Variants in WWOX observed in about 807,000 individuals in gnomAD.
WWOX encodes the protein WW domain-containing oxidoreductase.
A neutral mutation model predicts 46.2 loss-of-function variants in WWOX; 69 were observed. The observed-to-expected ratio is 1.49, with a 90% CI of 1.23 to 1.82. The LOEUF (loss-of-function observed/expected upper bound fraction) is 1.82, where lower values mean the gene tolerates loss of function less well. Ranked by LOEUF, WWOX falls within the 40% of genes most tolerant of loss-of-function variation. WWOX has a pLI of 0.00. For synonymous variants in WWOX, 359 were observed against 202.6 expected, an observed-to-expected ratio of 1.77 and a Z score of -6.56; for missense variants, 919 against 542.6, an observed-to-expected ratio of 1.69 and a Z score of -6.89.
In WWOX at chr16:79,079,348, G is replaced by C. The variant is rs8055998; in HGVS notation, c.1057-132260G>C. Among the ~76,000 whole-genome samples the C allele has an allele frequency of 3.8e-3, 577 of 151,384 alleles. 6 individuals carry two copies. Among genetic ancestry groups the C allele is most frequent in the African/African-American group, 0.013 (519 of 41,278 alleles). ...TCTCTTTTTTTCTTGGGTTCCCCCCGACAAAAAAAAATATGACAGAAGTGT... is the reference window on the plus strand; with the variant it reads ...TCTCTTTTTTTCTTGGGTTCCCCCCCACAAAAAAAAATATGACAGAAGTGT... On this transcript the variant is annotated intron_variant, in intron 8 of 8. Coordinates refer to ENST00000566780, the MANE Select transcript of WWOX (RefSeq NM_016373.4).
chr16:78,799,209 A>G (rs2050821407), intron 8 of WWOX, among the ~76,000 whole-genome samples: 1 of 152,224 alleles, frequency 6.6e-6, no homozygotes, highest in Admixed American at 6.5e-5. Context: ...AAACAGGGAC[A>G]CGGTGCAGAA....
chr16:78,425,865 C>G (rs956599451), intron 7 of WWOX, among the ~76,000 whole-genome samples: 1 of 152,062 alleles, frequency 6.6e-6, no homozygotes, highest in Admixed American at 6.6e-5. Context: ...TGCAAGGGGC[C>G]TATTTTTTCC....
chr16:78,789,685 T>G (rs1473963809), intron 8 of WWOX, among the ~76,000 whole-genome samples: 2 of 152,230 alleles, frequency 1.3e-5, no homozygotes, highest in Non-Finnish European at 2.9e-5. Flanking sequence ...ATTTTAATCA[T>G]GGCAGTGTTC....
intron 8 of WWOX, among the ~76,000 whole-genome samples, chr16:79,108,909 TA>T (rs989072501): frequency 0.012 from 1,777 of 148,336 alleles, 37 homozygotes; most frequent in African/African-American, 0.041. Context: ...TCAAAAAATT[TA>T]AAAAAAAAAG....
rs141165606 is a variant in WWOX, at chr16:79,071,968, G to A, written c.1057-139640G>A. Among the ~76,000 whole-genome samples, 51 of 152,232 alleles carry A rather than the reference G, an allele frequency of 3.4e-4. No individual in the cohort carries two copies. In the East Asian group the frequency reaches 5.4e-3, roughly 16 times the overall value. ...TGTTCATTCATTCATTCGTTTACTCGTTCTTTTTTGTATTAGCTTAAAAAT... is the reference window on the plus strand; with the variant it reads ...TGTTCATTCATTCATTCGTTTACTCATTCTTTTTTGTATTAGCTTAAAAAT... On this transcript the variant is annotated intron_variant, in intron 8 of 8. Coordinates refer to ENST00000566780, the MANE Select transcript of WWOX (RefSeq NM_016373.4).
rs114079220 is a variant in WWOX at position 78,359,338 on chromosome 16, C to A, written c.517-27522C>A. ...GCATTTTACATAAAAACCTCTAAAGCTCTCAGGCTAATTAGTAATGTAGCA... is the reference window on the plus strand; with the variant it reads ...GCATTTTACATAAAAACCTCTAAAGATCTCAGGCTAATTAGTAATGTAGCA... On this transcript the variant is annotated intron_variant, in intron 5 of 8. Coordinates refer to ENST00000566780, the MANE Select transcript of WWOX (RefSeq NM_016373.4). 2.6e-3 allele frequency among the ~76,000 whole-genome samples: 398 copies of A among 152,228 alleles called. 2 individuals are homozygous for A. The highest frequency in any genetic ancestry group is 9.3e-3 in the African/African-American group (386 of 41,544).
chr16:78,876,999 G>C (rs546053313), intron 8 of WWOX, among the ~76,000 whole-genome samples: 4 of 152,056 alleles, frequency 2.6e-5, no homozygotes, highest in Admixed American at 2.6e-4. Context: ...AAGTTAACTG[G>C]TTCCTATTTC....
chr16:78,733,647 C>T (rs1238939208), intron 8 of WWOX, among the ~76,000 whole-genome samples: 20 of 151,292 alleles, frequency 1.3e-4, no homozygotes, highest in Admixed American at 1.3e-3. Flanking sequence ...TCCAGCTACT[C>T]GGTAGCCTGA....
At chr16:78,526,760 C>T (rs1248555481) in intron 8 of WWOX, among the ~76,000 whole-genome samples, 1 of 152,156 alleles carries the variant, frequency 6.6e-6, no homozygotes, top group African/African-American at 2.4e-5. Context: ...GAGTTGAGGG[C>T]AACAGGGGCA....
chr16:78,460,047 T>G (rs1028339537), intron 8 of WWOX, among the ~76,000 whole-genome samples: 1 of 151,918 alleles, frequency 6.6e-6, no homozygotes, highest in African/African-American at 2.4e-5. Flanking sequence ...GCTCAAGCAA[T>G]CCGCCCACCT....
intron 5 of WWOX, among the ~76,000 whole-genome samples, chr16:78,261,772 G>GA (rs2079239760): frequency 7.7e-6 from 1 of 129,992 alleles, no homozygotes; most frequent in African/African-American, 2.9e-5. Flanking sequence ...ATCTATCTAT[G>GA]TATCTATCTA....
chr16:79,065,688 T>G (rs2048428653), intron 8 of WWOX, among the ~76,000 whole-genome samples: 1 of 152,194 alleles, frequency 6.6e-6, no homozygotes, highest in African/African-American at 2.4e-5. Flanking sequence ...CTTGTGGCCT[T>G]TTAGGAGCTT....
chr16:78,799,525 A>G (rs145501432), intron 8 of WWOX, among the ~76,000 whole-genome samples: 237 of 152,292 alleles, frequency 1.6e-3, no homozygotes, highest in African/African-American at 5.6e-3. Context: ...ATGTCATTTT[A>G]GACCCCAAAA....
intron 8 of WWOX, among the ~76,000 whole-genome samples, chr16:78,569,242 T>C (rs2044653509): frequency 6.6e-6 from 1 of 152,244 alleles, no homozygotes; most frequent in African/African-American, 2.4e-5. Flanking sequence ...AAGTGCTTCC[T>C]TGTCTCTCTA....
intron 5 of WWOX, among the ~76,000 whole-genome samples, chr16:78,243,656 T>C (rs1597394314): frequency 1.3e-5 from 2 of 152,136 alleles, no homozygotes; most frequent in Non-Finnish European, 2.9e-5. Flanking sequence ...AAGCGATTCT[T>C]GTGCCTCAGC....
intron 8 of WWOX, among the ~76,000 whole-genome samples, chr16:79,200,195 G>A (rs2051319244): frequency 6.6e-6 from 1 of 152,184 alleles, no homozygotes; most frequent in Admixed American, 6.5e-5. Flanking sequence ...GGCCTGGTGG[G>A]AAGCCAGGGT....
At chr16:78,388,826 G>C (rs1436463614) in intron 6 of WWOX, among the ~76,000 whole-genome samples, 2 of 151,700 alleles carry the variant, frequency 1.3e-5, no homozygotes, top group African/African-American at 4.8e-5. Context: ...AAAATTAACT[G>C]GGCGGGGAGG....
At chr16:78,578,614 T>TAC (rs1044271614) in intron 8 of WWOX, among the ~76,000 whole-genome samples, 1 of 151,916 alleles carries the variant, frequency 6.6e-6, no homozygotes, top group African/African-American at 2.4e-5. Flanking sequence ...CACACAAACA[T>TAC]ACACACACGC....
intron 8 of WWOX, among the ~76,000 whole-genome samples, chr16:79,150,507 AAAGATAG>A (rs1312659762): frequency 6.6e-6 from 1 of 152,330 alleles, no homozygotes; most frequent in Admixed American, 6.5e-5. Context: ...AGAAAGTGCC[AAAGATAG>A]TGTGCATGCC....
Sources: allele counts gnomAD v4.1 joint callset (sites outside exome capture counted in the v4.1 genomes callset), GRCh38; gene constraint gnomAD v4.1.1; transcripts MANE v1.5; gene names NCBI Gene and HGNC (gene_info 2026-07-23, HGNC 2026-07-21).